The following MYOC variants were observed in gnomAD, a reference collection of about 807,000 sequenced individuals.
The protein encoded by MYOC is myocilin.
Under a neutral mutation model 28.2 loss-of-function variants are expected in MYOC, and 29 were observed. The ratio of observed to expected loss-of-function variants is 1.03; its 90% CI spans 0.77 to 1.40. The LOEUF (loss-of-function observed/expected upper bound fraction) is 1.40, where lower values mean the gene tolerates loss of function less well. MYOC is among the 40% of genes most tolerant of loss of function. MYOC has a pLI of 0.00. For missense variants in MYOC, 569 were observed against 620.6 expected (o/e 0.92, Z 0.88); for synonymous variants, 240 against 245.6 (o/e 0.98, Z 0.21).
At chr1:171,642,085 C>T (rs1414780306) in intron 1 of MYOC, among the ~76,000 whole-genome samples, 3 of 152,246 alleles carry the variant, frequency 2.0e-5, no homozygotes, top group Non-Finnish European at 4.4e-5. Flanking sequence ...AGAAAACATT[C>T]AGCTAGCTCT....
chr1:171,638,911 T>C (rs571782915), intron 1 of MYOC, 189 bp from the exon 2 acceptor site: 6 of 524,492 alleles, frequency 1.1e-5, no homozygotes, highest in Non-Finnish European at 1.7e-5. Flanking sequence ...CTGGCCAACA[T>C]GGTGAAACCC....
intron 1 of MYOC, among the ~76,000 whole-genome samples, chr1:171,647,392 C>T (rs938154756): frequency 2.6e-5 from 4 of 152,068 alleles, no homozygotes; most frequent in Admixed American, 1.3e-4. Context: ...GGCATGGTGG[C>T]GTGTGCCTGT....
chr1:171,648,630 T>A (rs1282915104), intron 1 of MYOC, among the ~76,000 whole-genome samples: 2 of 148,158 alleles, frequency 1.3e-5, no homozygotes, highest in Admixed American at 1.4e-4. Context: ...TATATGTATT[T>A]TATTATATAT....
intron 1 of MYOC, among the ~76,000 whole-genome samples, chr1:171,648,094 CAGG>C (rs778683155): frequency 1.3e-5 from 2 of 151,464 alleles, no homozygotes; most frequent in Non-Finnish European, 2.9e-5. Flanking sequence ...GAGGCTGAGG[CAGG>C]AGAATTGCTT....
rs1351097164 is a variant in MYOC, at chr1:171,636,200, C to T, written c.1240G>A (p.Glu414Lys). Reference protein sequence around the residue: ...SKLNPENLELEQTWETNIRKQ... With the variant: ...SKLNPENLELKQTWETNIRKQ... ...CGGATGTTTGTCTCCCAGGTTTGTTCGAGTTCCAGATTCTCTGGGTTCAGT... is the reference window on the plus strand; with the variant it reads ...CGGATGTTTGTCTCCCAGGTTTGTTTGAGTTCCAGATTCTCTGGGTTCAGT... The change falls in exon 3 of 3, where the codon GAA (glutamate) becomes AAA (lysine). Residue 414 changes from glutamate (E) to lysine (K), a missense_variant. Coordinates refer to ENST00000037502, the MANE Select transcript of MYOC (RefSeq NM_000261.2). The T allele has an allele frequency of 5.0e-6, 8 of 1,614,032 alleles. No individual in the cohort carries two copies. The highest frequency in any genetic ancestry group is 2.7e-5 in the African/African-American group (2 of 74,916).
At position 171,652,592 on chromosome 1, in the gene MYOC, C is replaced by T. The variant is rs767625681; in HGVS notation, c.20G>A (p.Arg7His). 1.6e-5 allele frequency: 26 copies of T among 1,614,200 alleles called. No homozygotes were observed. Among genetic ancestry groups the T allele is most frequent in the Admixed American group, 8.3e-5 (5 of 60,014 alleles). MRFFCA[R>H]CCSFGPEMPA... Reference sequence around the variant, plus strand: ...CATCTCAGGCCCAAAGCTGCAGCAACGTGCACAGAAGAACCTCATTGCAGA... The same window carrying T: ...CATCTCAGGCCCAAAGCTGCAGCAATGTGCACAGAAGAACCTCATTGCAGA... The change falls in exon 1 of 3, where the codon CGT becomes CAT. Residue 7 changes from arginine to histidine, a missense_variant. Transcript: ENST00000037502.
rs1175117891 is a variant in MYOC, at chr1:171,639,946, G to GAAAAAAAAAAA, written c.605-1235_605-1225dup. On this transcript the variant is annotated intron_variant, in intron 1 of 2. Transcript: ENST00000037502. ...GCAACAGAGCAAGACTCTGTCTCAA[G>GAAAAAAAAAAA]AAAAAAAAAAAAAAAAAAAAAAAAA... 2.8e-4 allele frequency among the ~76,000 whole-genome samples: 13 copies of GAAAAAAAAAAA among 46,980 alleles called. 1 individual carries two copies. Among genetic ancestry groups the GAAAAAAAAAAA allele is most frequent in the Admixed American group, 7.4e-4 (2 of 2,720 alleles). The allele number at this position is 46,980 out of a possible 152,430, so 30.8% of individuals were successfully genotyped here.
Position 171,636,616 on chromosome 1 carries a change from T to G in MYOC, c.824A>C (p.Lys275Thr), listed in dbSNP as rs745360975. The G allele has an allele frequency of 6.2e-7, 1 of 1,612,632 alleles. No homozygotes were observed. Among genetic ancestry groups the G allele is most frequent in the African/African-American group, 1.3e-5 (1 of 74,744 alleles). ...CTCCTGGGTGTAGGGGTAGGTGGGC[T>G]TGGGGTCTCGCATCCACACACCATA... ...GKYGVWMRDP[K>T]PTYPYTQETT... The change falls in exon 3 of 3, where the codon AAG becomes ACG. Residue 275 changes from lysine to threonine, a missense_variant. Lys to Thr is a moderately conservative substitution (Grantham distance 78). Transcript: ENST00000037502.
intron 1 of MYOC, among the ~76,000 whole-genome samples, chr1:171,648,253 C>T (rs6425363): frequency 0.094 from 14,261 of 151,890 alleles, 685 homozygotes; most frequent in East Asian, 0.21. Context: ...ATCAGGGAAG[C>T]GCAATATACT....
At position 171,652,628 on chromosome 1, in the gene MYOC, G is replaced by A. The variant is rs370230896; in HGVS notation, c.-17C>T. On this transcript the variant is annotated 5_prime_UTR_variant, in exon 1 of 3. Coordinates refer to ENST00000037502, the MANE Select transcript of MYOC (RefSeq NM_000261.2). ...GAACCTCATTGCAGAGGCTTGGTGA[G>A]GCTTCCTCTGGAAAGCTCTGCTGTG... is the stretch of plus-strand genomic sequence containing the variant. The A allele has an allele frequency of 1.7e-5, 27 of 1,613,608 alleles. No homozygotes were observed. Among genetic ancestry groups the A allele is most frequent in the Non-Finnish European group, 2.0e-5 (24 of 1,180,028 alleles).
In MYOC at chr1:171,636,559, T is replaced by G. The variant is rs143474164; in HGVS notation, c.881A>C (p.Asp294Ala). The G allele has an allele frequency of 1.4e-5, 23 of 1,609,118 alleles. No individual in the cohort carries two copies. The highest frequency in any genetic ancestry group is 1.7e-5 in the Non-Finnish European group (20 of 1,176,774). The change falls in exon 3 of 3, where the codon GAT becomes GCT. Residue 294 changes from aspartate to alanine, a missense_variant. Physicochemically the swap from Asp to Ala is moderately radical, Grantham distance 126. Coordinates refer to ENST00000037502, the MANE Select transcript of MYOC (RefSeq NM_000261.2). The part of the protein sequence containing the change: ...TTWRIDTVGT[D>A]VRQVFEYDLI... The stretch of plus-strand genomic sequence containing the variant: ...GTCATACTCAAAAACCTGGCGGACA[T>G]CCGTGCCAACTGTGTCGATTCTCCA...
Position 171,637,397 on chromosome 1 carries a change from T to G in MYOC, c.731-688A>C, listed in dbSNP as rs559023918. 2.0e-5 allele frequency among the ~76,000 whole-genome samples: 3 copies of G among 152,276 alleles called. No homozygotes were observed. The East Asian group carries it at 5.8e-4, about 29-fold the overall frequency. ...ATAATTATTTTTTGAGACAGGGTCT[T>G]GCACTGTTACCTAGGCTGGAGTGCA... On this transcript the variant is annotated intron_variant, in intron 2 of 2. Transcript: ENST00000037502.
At chr1:171,650,570 AG>A (rs1653330123) in intron 1 of MYOC, among the ~76,000 whole-genome samples, 1 of 152,254 alleles carries the variant, frequency 6.6e-6, no homozygotes, top group African/African-American at 2.4e-5. Context: ...GAAGATGCAG[AG>A]GGTTCAATAA....
At chr1:171,636,748 C>A in intron 2 of MYOC, 39 bp from the exon 3 acceptor site, 1 of 1,588,938 alleles carries the variant, frequency 6.3e-7, no homozygotes, top group South Asian at 1.1e-5. Context: ...ACCACTTAAT[C>A]CATAATCTTT....
intron 1 of MYOC, among the ~76,000 whole-genome samples, chr1:171,646,967 A>C (rs1040057509): frequency 7.9e-5 from 12 of 152,236 alleles, no homozygotes; most frequent in African/African-American, 2.7e-4. Context: ...GTTTGCCTGT[A>C]GACATAGGCA....
chr1:171,641,849 A>G (rs1241475787), intron 1 of MYOC, among the ~76,000 whole-genome samples: 1 of 152,160 alleles, frequency 6.6e-6, no homozygotes, highest in Non-Finnish European at 1.5e-5. Flanking sequence ...TCGGGAAGAC[A>G]TGTTCTGCCT....
Position 171,636,112 on chromosome 1 carries a change from G to A in MYOC, c.1328C>T (p.Thr443Ile), listed in dbSNP as rs775380030. Residue 443 changes from threonine to isoleucine, a missense_variant, in exon 3 of 3, where the codon ACC becomes ATC. By Grantham distance (89) the Thr-to-Ile change is moderately conservative. Transcript: ENST00000037502. Reference protein sequence around the residue: ...CGTLYTVSSYTSADATVNFAY... With the variant: ...CGTLYTVSSYISADATVNFAY... ...AAAGTTGACGGTAGCATCTGCTGAG[G>A]TGTAGCTGCTGACGGTGTACAAGGT... 1.2e-6 allele frequency: 2 copies of A among 1,614,224 alleles called. No homozygotes were observed. Among genetic ancestry groups the A allele is most frequent in the East Asian group, 4.5e-5 (2 of 44,890 alleles).
At chr1:171,651,917 G>A (rs1178427149) in intron 1 of MYOC, 91 bp downstream of exon 1, 4 of 1,572,414 alleles carry the variant, frequency 2.5e-6, no homozygotes, top group Non-Finnish European at 3.5e-6. Context: ...CTAGGAGAAA[G>A]GGCAGGCAGG....
chr1:171,641,755 C>T (rs917579522), intron 1 of MYOC, among the ~76,000 whole-genome samples: 4 of 152,164 alleles, frequency 2.6e-5, no homozygotes, highest in South Asian at 4.1e-4. Flanking sequence ...ACTTGTTCCC[C>T]GCTCAGGATT....
Sources: gnomAD v4.1 joint callset for allele counts (sites outside exome capture counted in the v4.1 genomes callset) on GRCh38, gnomAD v4.1.1 for gene constraint, MANE v1.5 for transcripts, NCBI Gene and HGNC (gene_info 2026-07-23, HGNC 2026-07-21) for gene names.